ST7: variants seen among roughly 807,000 people sequenced by gnomAD.
The protein encoded by ST7 is suppressor of tumorigenicity 7 protein.
ST7 carries 28 observed loss-of-function variants against 78.7 expected under a neutral mutation model. The ratio of observed to expected loss-of-function variants is 0.36; its 90% CI spans 0.26 to 0.49. The LOEUF is 0.49. ST7 is among the 20% of genes least tolerant of loss of function. ST7 has a pLI of 0.99. For missense variants in ST7, 418 were observed against 696.0 expected, an observed-to-expected ratio of 0.60 and a Z score of 4.49; for synonymous variants, 247 against 249.6, an observed-to-expected ratio of 0.99 and a Z score of 0.10.
chr7:117,112,949 G>A (rs542082116), intron 2 of ST7, among the ~76,000 whole-genome samples: 3 of 152,356 alleles, frequency 2.0e-5, no homozygotes, highest in East Asian at 1.9e-4. Context: ...GTCAGGCAAA[G>A]AAAGTAGATT....
At chr7:117,006,208 T>G (rs952960842) in intron 1 of ST7, among the ~76,000 whole-genome samples, 8 of 152,256 alleles carry the variant, frequency 5.3e-5, no homozygotes, top group African/African-American at 1.9e-4. Context: ...TTGGAAATAG[T>G]AAAGCTTTCA....
chr7:117,184,533 C>T (rs1809059433), intron 10 of ST7, among the ~76,000 whole-genome samples: 1 of 152,178 alleles, frequency 6.6e-6, no homozygotes, highest in Admixed American at 6.5e-5. Flanking sequence ...ATCATTTTAT[C>T]CATTTCCGTA....
At chr7:117,139,108 A>G (rs1167181355) in intron 9 of ST7, among the ~76,000 whole-genome samples, 1 of 152,186 alleles carries the variant, frequency 6.6e-6, no homozygotes, top group Non-Finnish European at 1.5e-5. Context: ...AAATAGGTGG[A>G]AGTTTTAAAA....
chr7:116,991,628 A>T (rs1221958800), intron 1 of ST7, among the ~76,000 whole-genome samples: 1 of 152,126 alleles, frequency 6.6e-6, no homozygotes, highest in African/African-American at 2.4e-5. Context: ...TCAAGATGAG[A>T]TTTGGGTGGG....
At chr7:116,992,452 G>A (rs374226651) in intron 1 of ST7, among the ~76,000 whole-genome samples, 20 of 152,238 alleles carry the variant, frequency 1.3e-4, no homozygotes, top group African/African-American at 4.8e-4. Context: ...CTGAAGCCAT[G>A]GCCTGAGCTT....
At chr7:117,178,456 T>C (rs1489101838) in intron 10 of ST7, among the ~76,000 whole-genome samples, 1 of 152,192 alleles carries the variant, frequency 6.6e-6, no homozygotes, top group African/African-American at 2.4e-5. Flanking sequence ...CCTACTTTCA[T>C]CTCAACCTCT....
At chr7:117,214,778 T>A (rs1447602624) in intron 13 of ST7, among the ~76,000 whole-genome samples, 1 of 152,070 alleles carries the variant, frequency 6.6e-6, no homozygotes, top group Non-Finnish European at 1.5e-5. Flanking sequence ...GAATATTCTG[T>A]CTCTTCTTGA....
intron 1 of ST7, among the ~76,000 whole-genome samples, chr7:117,077,912 C>T (rs73477370): frequency 0.05 from 7,215 of 144,904 alleles, 578 homozygotes; most frequent in African/African-American, 0.18. Flanking sequence ...ATATTGATTG[C>T]TAAGAACTAT....
At chr7:117,195,036 G>A (rs1196187804) in intron 12 of ST7, among the ~76,000 whole-genome samples, 1 of 152,038 alleles carries the variant, frequency 6.6e-6, no homozygotes, top group East Asian at 1.9e-4. Context: ...TTATTTGTTT[G>A]TTACAGGCAG....
chr7:117,132,026 C>T, intron 6 of ST7, 66 bp downstream of exon 6: 1 of 1,395,028 alleles, frequency 7.2e-7, no homozygotes, highest in Non-Finnish European at 1.0e-6. Context: ...ATTCAGTTGC[C>T]ATTGATAGGA....
At chr7:117,001,167 C>T (rs1422747578) in intron 1 of ST7, among the ~76,000 whole-genome samples, 3 of 152,104 alleles carry the variant, frequency 2.0e-5, no homozygotes, top group South Asian at 2.1e-4. Context: ...GCTGTGCTGC[C>T]GATGAAGGGA....
chr7:116,972,903 C>T (rs747886619), intron 1 of ST7: 5 of 1,335,306 alleles, frequency 3.7e-6, no homozygotes, highest in African/African-American at 1.4e-5. Context: ...TGGTGGTGAT[C>T]CCAGCCATGG....
At chr7:117,001,910 T>C (rs765808721) in intron 1 of ST7, among the ~76,000 whole-genome samples, 2 of 152,172 alleles carry the variant, frequency 1.3e-5, no homozygotes, top group Non-Finnish European at 2.9e-5. Flanking sequence ...ACATTATGTG[T>C]TATGAACATA....
At chr7:117,069,779 T>C (rs1170308880) in intron 1 of ST7, among the ~76,000 whole-genome samples, 1 of 152,206 alleles carries the variant, frequency 6.6e-6, no homozygotes, top group East Asian at 1.9e-4. Flanking sequence ...CAGGTCCTAC[T>C]GTATATTTTA....
chr7:117,140,453 A>G (rs1163644409), intron 9 of ST7, among the ~76,000 whole-genome samples: 1 of 152,186 alleles, frequency 6.6e-6, no homozygotes, highest in Non-Finnish European at 1.5e-5. Flanking sequence ...GGAGAATTAA[A>G]TAAGATAATG....
chr7:116,982,036 T>TA (rs532504631), intron 1 of ST7, among the ~76,000 whole-genome samples: 251 of 152,298 alleles, frequency 1.6e-3, no homozygotes, highest in South Asian at 5.8e-3. Flanking sequence ...GCTACAGTGT[T>TA]ACAATGGCTG....
At chr7:116,964,603 T>C (rs1054454296) in intron 1 of ST7, among the ~76,000 whole-genome samples, 1 of 152,248 alleles carries the variant, frequency 6.6e-6, no homozygotes, top group African/African-American at 2.4e-5. Context: ...AATTATACTT[T>C]TTTCAGTTCA....
chr7:117,046,240 C>T (rs1797487083), intron 1 of ST7, among the ~76,000 whole-genome samples: 1 of 152,102 alleles, frequency 6.6e-6, no homozygotes, highest in Non-Finnish European at 1.5e-5. Flanking sequence ...TTCTTTCCCG[C>T]AGCATATAAG....
chr7:117,160,057 C>G (rs774062617), intron 9 of ST7, among the ~76,000 whole-genome samples: 2 of 151,120 alleles, frequency 1.3e-5, no homozygotes, highest in Admixed American at 6.6e-5. Context: ...AAAAATTAGC[C>G]GGGTGTGTGG....
Sources: allele counts gnomAD v4.1 joint callset (sites outside exome capture counted in the v4.1 genomes callset), GRCh38; gene constraint gnomAD v4.1.1; transcripts MANE v1.5; gene names NCBI Gene and HGNC (gene_info 2026-07-23, HGNC 2026-07-21).